Variants in SYTL2 observed in about 807,000 individuals in gnomAD.
The protein encoded by SYTL2 is synaptotagmin-like protein 2.
In SYTL2, 165 loss-of-function variants were observed where a neutral mutation model predicts 198.7. The ratio of observed to expected loss-of-function variants is 0.83; its 90% CI spans 0.73 to 0.94. SYTL2 has a LOEUF of 0.94. SYTL2 is among the 40% of genes least tolerant of loss of function. SYTL2 has a pLI of 0.00. For synonymous variants in SYTL2, 966 were observed against 917.7 expected (o/e 1.05, Z -0.95); for missense variants, 2,835 against 2,582.8 (o/e 1.10, Z -2.12).
chr11:85,836,131 C>T, the SYTL2 span, among the ~76,000 whole-genome samples: 4 of 152,102 alleles, frequency 2.6e-5, no homozygotes, highest in African/African-American at 9.7e-5. Flanking sequence ...TATAACTAAT[C>T]CCTGCACCTC....
At chr11:85,708,187 C>A in intron 14 of SYTL2, 1 of 427,910 alleles carries the variant, frequency 2.3e-6, no homozygotes, top group Non-Finnish European at 4.6e-6. Flanking sequence ...AACACACTTT[C>A]AGCATAGAGC....
At chr11:85,749,359 C>T (rs1338707909) in intron 2 of SYTL2, among the ~76,000 whole-genome samples, 1 of 152,098 alleles carries the variant, frequency 6.6e-6, no homozygotes, top group Non-Finnish European at 1.5e-5. Context: ...AACATAAATC[C>T]AAGAGGGTTT....
intron 4 of SYTL2, among the ~76,000 whole-genome samples, chr11:85,742,583 G>A (rs1046843794): frequency 2.6e-5 from 4 of 152,174 alleles, no homozygotes; most frequent in African/African-American, 9.7e-5. Context: ...GTACAGAAAC[G>A]GAGGCTATGT....
At chr11:85,829,997 C>T in the SYTL2 span, among the ~76,000 whole-genome samples, 1 of 152,346 alleles carries the variant, frequency 6.6e-6, no homozygotes. Context: ...TCCATATTCA[C>T]ATCCAACTAA....
At chr11:85,796,995 C>A (rs1007498792) in intron 1 of SYTL2, among the ~76,000 whole-genome samples, 1 of 152,114 alleles carries the variant, frequency 6.6e-6, no homozygotes, top group Non-Finnish European at 1.5e-5. Flanking sequence ...TCAAGAGCAG[C>A]CTGGGCAACA....
intron 15 of SYTL2, among the ~76,000 whole-genome samples, chr11:85,706,671 C>G (rs766038062): frequency 2.6e-5 from 4 of 152,110 alleles, no homozygotes; most frequent in African/African-American, 4.8e-5. Context: ...AAAGTTGAGG[C>G]TGGAGTTCAG....
At position 85,775,125 on chromosome 11, in the gene SYTL2, C is replaced by T. The variant is rs987325605; in HGVS notation, c.-389-17011G>A. The stretch of plus-strand genomic sequence containing the variant: ...TGTCACCCTGCTGCCCAGTGCAAAG[C>T]CTTTTTAGAAACTAAACACTTTTCA... On this transcript the variant is annotated intron_variant, in intron 1 of 19. Coordinates refer to ENST00000359152, the MANE Select transcript of SYTL2 (RefSeq NM_206927.4). Among the ~76,000 whole-genome samples the T allele has an allele frequency of 1.3e-4, 20 of 152,102 alleles. 1 individual carries two copies. Among genetic ancestry groups the T allele is most frequent in the Admixed American group, 1.0e-3 (16 of 15,274 alleles).
chr11:85,698,686 T>C (rs113441920), intron 17 of SYTL2, among the ~76,000 whole-genome samples: 2 of 152,252 alleles, frequency 1.3e-5, no homozygotes, highest in African/African-American at 4.8e-5. Flanking sequence ...ACTACAGGCA[T>C]GTGCCACCAC....
the SYTL2 span, chr11:85,853,078 G>A: frequency 6.9e-6 from 2 of 291,212 alleles, no homozygotes; most frequent in South Asian, 2.5e-5. Flanking sequence ...CCCCGTCCGG[G>A]AGGTCGGGGG....
the SYTL2 span, among the ~76,000 whole-genome samples, chr11:85,833,936 G>A: frequency 6.6e-6 from 1 of 151,678 alleles, no homozygotes; most frequent in Non-Finnish European, 1.5e-5. Flanking sequence ...ACGGGGTTTC[G>A]CCAAGTTGCC....
At chr11:85,734,876 C>T (rs1484704249) in intron 6 of SYTL2, 134 bp from the exon 7 acceptor site, 2 of 729,048 alleles carry the variant, frequency 2.7e-6, no homozygotes, top group Non-Finnish European at 2.2e-6. Context: ...GGCACAACTA[C>T]AGGCCTAATG....
At chr11:85,728,712 G>C (rs1389787976) in intron 7 of SYTL2, among the ~76,000 whole-genome samples, 1 of 152,150 alleles carries the variant, frequency 6.6e-6, no homozygotes, top group Non-Finnish European at 1.5e-5. Flanking sequence ...ATAAACCCTA[G>C]AGGGGGCTTA....
chr11:85,847,791 TC>T, the SYTL2 span, among the ~76,000 whole-genome samples: 1 of 152,240 alleles, frequency 6.6e-6, no homozygotes, highest in African/African-American at 2.4e-5. Flanking sequence ...TCTATTCAAA[TC>T]TTTTGGCATT....
chr11:85,700,579 G>A lies in SYTL2; in HGVS notation c.6204C>T (p.Ala2068=). 6.2e-7 allele frequency: 1 copy of A among 1,613,914 alleles called. No individual in the cohort carries two copies. Among genetic ancestry groups the A allele is most frequent in the Non-Finnish European group, 8.5e-7 (1 of 1,179,848 alleles). The part of the protein sequence containing the change: ...YPLKRKTAPV[A]LEAENRGEMK... Reference sequence around the variant, plus strand: ...TTTCACCTCTGTTTTCTGCTTCAAGGGCAACTGGTGCTGTCTGAAAAGTGA... The same window carrying A: ...TTTCACCTCTGTTTTCTGCTTCAAGAGCAACTGGTGCTGTCTGAAAAGTGA... The change falls in exon 17 of 20, where the codon GCC becomes GCT. Residue 2068 remains alanine, a synonymous_variant. Transcript: ENST00000359152.
chr11:85,771,848 C>A (rs2092361177), intron 1 of SYTL2, among the ~76,000 whole-genome samples: 1 of 152,002 alleles, frequency 6.6e-6, no homozygotes, highest in Non-Finnish European at 1.5e-5. Context: ...GCTGATGAGA[C>A]CCTGCATGGA....
chr11:85,831,746 T>C, the SYTL2 span, among the ~76,000 whole-genome samples: 2 of 152,032 alleles, frequency 1.3e-5, no homozygotes, highest in Admixed American at 1.3e-4. Context: ...ATCAAGACAC[T>C]AACTGCAAAA....
the SYTL2 span, among the ~76,000 whole-genome samples, chr11:85,850,488 A>G: frequency 6.6e-6 from 1 of 151,732 alleles, no homozygotes. Context: ...ACCATCTCAC[A>G]CCAGTTAGAA....
chr11:85,705,029 C>A lies in SYTL2; in HGVS notation c.6019-1G>T. The A allele has an allele frequency of 6.2e-7, 1 of 1,604,494 alleles. No individual in the cohort carries two copies. Among genetic ancestry groups the A allele is most frequent in the Non-Finnish European group, 8.5e-7 (1 of 1,172,886 alleles). The stretch of plus-strand genomic sequence containing the variant: ...TTAAGATTTGTTTTTCAATTTTATA[C>A]TGAAGTTCAAAGAAGAAAATTAAAT... On this transcript the variant is annotated splice_acceptor_variant, in intron 15 of 19. Coordinates refer to ENST00000359152, the MANE Select transcript of SYTL2 (RefSeq NM_206927.4). LOFTEE classifies it high-confidence loss of function.
intron 15 of SYTL2, among the ~76,000 whole-genome samples, chr11:85,706,839 T>C (rs890756822): frequency 7.1e-6 from 1 of 140,606 alleles, no homozygotes; most frequent in Non-Finnish European, 1.5e-5. Flanking sequence ...TTTTTTGTTT[T>C]GTTTTGTTGT....
Sources: allele counts gnomAD v4.1 joint callset (sites outside exome capture counted in the v4.1 genomes callset), GRCh38; gene constraint gnomAD v4.1.1; transcripts MANE v1.5; gene names NCBI Gene and HGNC (gene_info 2026-07-23, HGNC 2026-07-21).